The following PAPSS2 variants were observed in gnomAD, a reference collection of about 807,000 sequenced individuals.
The protein encoded by PAPSS2 is bifunctional 3'-phosphoadenosine 5'-phosphosulfate synthase 2.
In PAPSS2, 61 loss-of-function variants were observed where a neutral mutation model predicts 66.5. That is an observed-to-expected ratio of 0.92 (90% CI 0.75 to 1.14). The LOEUF (loss-of-function observed/expected upper bound fraction) is 1.14. Among genes scored for constraint, PAPSS2 ranks in the 50% most tolerant of loss-of-function variants. The pLI is 0.00. For synonymous variants in PAPSS2, 289 were observed against 287.5 expected (o/e 1.01, Z -0.05); for missense variants, 708 against 789.6 (o/e 0.90, Z 1.24).
Position 87,741,260 on chromosome 10 carries a change from T to C in PAPSS2, c.1112T>C (p.Leu371Pro), listed in dbSNP as rs760085210. The C allele has an allele frequency of 3.1e-6, 5 of 1,613,794 alleles. No individual in the cohort carries two copies. The highest frequency in any genetic ancestry group is 4.2e-6 in the Non-Finnish European group (5 of 1,179,670). ...IKMVMESGDW[L>P]VGGDLQVLEK... ...ATGGTGATGGAAAGTGGGGACTGGC[T>C]GGTTGGTGGAGACCTTCAGGTGCTG... is the stretch of plus-strand genomic sequence containing the variant. Residue 371 changes from leucine to proline, a missense_variant, in exon 10 of 13, where the codon CTG (leucine) becomes CCG (proline). Transcript: ENST00000456849.
chr10:87,686,101 A>C (rs1052591628), intron 1 of PAPSS2, among the ~76,000 whole-genome samples: 17 of 150,866 alleles, frequency 1.1e-4, no homozygotes, highest in Non-Finnish European at 2.4e-4. Context: ...CTGAAAAATA[A>C]GAAGTGATTT....
chr10:87,718,278 G>A (rs112424463), intron 7 of PAPSS2, among the ~76,000 whole-genome samples: 7 of 152,128 alleles, frequency 4.6e-5, no homozygotes, highest in East Asian at 1.9e-4. Context: ...TAATCTGCCC[G>A]CCTCAGCCTC....
In PAPSS2 at chr10:87,741,324, TCTGACAC is replaced by T. The variant is rs745474598; in HGVS notation, c.1179_1185del (p.Thr394TrpfsTer10). 1.2e-6 allele frequency: 2 copies of T among 1,613,798 alleles called. No homozygotes were observed. The highest frequency in any genetic ancestry group is 2.7e-5 in the African/African-American group (2 of 74,940). On this transcript the variant is annotated frameshift_variant, in exon 10 of 13. Coordinates refer to ENST00000456849, the MANE Select transcript of PAPSS2 (RefSeq NM_001015880.2). LOFTEE classifies it high-confidence loss of function. ...GGAATGATGGGCTGGACCAATACCGTCTGACACCTCTGGAGCTCAAACAGAAATGTAA... is the reference window on the plus strand; with the variant it reads ...GGAATGATGGGCTGGACCAATACCGTCTCTGGAGCTCAAACAGAAATGTAA...
In PAPSS2 at chr10:87,659,905, T is replaced by TGCTGCCGCC. The variant is rs1044981983; in HGVS notation, c.-75_-74insTGCCGCCGC. On this transcript the variant is annotated 5_prime_UTR_variant, in exon 1 of 13. Coordinates refer to ENST00000456849, the MANE Select transcript of PAPSS2 (RefSeq NM_001015880.2). Reference sequence around the variant, plus strand: ...CCGCTGCTGCTGCTGCTGCTGCTGCTGCCGCCGCCGCCGCCGCCGTCCCTG... The same window carrying TGCTGCCGCC: ...CCGCTGCTGCTGCTGCTGCTGCTGCTGCTGCCGCCGCCGCCGCCGCCGCCGCCGTCCCTG... 4.0e-5 allele frequency: 57 copies of TGCTGCCGCC among 1,423,742 alleles called. No homozygotes were observed. The African/African-American group carries it at 5.6e-4, about 14-fold the overall frequency. 88.2% of individuals were successfully genotyped at this position (1,423,742 alleles called of 1,614,324 possible). A position where few individuals can be genotyped will look rare whatever the true frequency, so the allele number is the denominator to read the frequency against.
intron 1 of PAPSS2, among the ~76,000 whole-genome samples, chr10:87,696,067 C>A (rs1015487686): frequency 6.6e-6 from 1 of 152,166 alleles, no homozygotes; most frequent in African/African-American, 2.4e-5. Context: ...GGTGTGGAAA[C>A]CCCTCTCCTG....
intron 1 of PAPSS2, among the ~76,000 whole-genome samples, chr10:87,707,758 G>A (rs1398269696): frequency 1.3e-5 from 2 of 151,652 alleles, no homozygotes; most frequent in African/African-American, 4.8e-5. Flanking sequence ...TTTTCATAGA[G>A]ATGAGGTCTC....
At chr10:87,685,251 C>G (rs1354077485) in intron 1 of PAPSS2, among the ~76,000 whole-genome samples, 2 of 152,178 alleles carry the variant, frequency 1.3e-5, no homozygotes, top group Non-Finnish European at 2.9e-5. Flanking sequence ...AGGCTCTACT[C>G]TTTTCAAGCA....
intron 1 of PAPSS2, among the ~76,000 whole-genome samples, chr10:87,705,772 C>T (rs576428608): frequency 2.7e-5 from 4 of 150,242 alleles, no homozygotes; most frequent in East Asian, 2.0e-4. Context: ...CTCGCTCTGT[C>T]GCCCAGGCTG....
rs149987183 is a variant in PAPSS2, at chr10:87,691,362, C to T, written c.28-17834C>T. The stretch of plus-strand genomic sequence containing the variant: ...CAAAGATAAACGTGAGCAAAGCAGC[C>T]TCTCTGGTGTTCCCATCTGGTGAAG... On this transcript the variant is annotated intron_variant, in intron 1 of 12. Transcript: ENST00000456849. Among the ~76,000 whole-genome samples, 21 of 152,196 alleles carry T rather than the reference C, an allele frequency of 1.4e-4. No homozygotes were observed. The East Asian group carries it at 4.0e-3, about 29-fold the overall frequency.
chr10:87,701,369 T>C (rs1040660703), intron 1 of PAPSS2, among the ~76,000 whole-genome samples: 19 of 116,802 alleles, frequency 1.6e-4, no homozygotes, highest in Non-Finnish European at 3.1e-4. Flanking sequence ...TCTTTCTTTC[T>C]TTCTTTCTTT....
chr10:87,682,738 A>G (rs958679910), intron 1 of PAPSS2, among the ~76,000 whole-genome samples: 1 of 152,198 alleles, frequency 6.6e-6, no homozygotes, highest in African/African-American at 2.4e-5. Flanking sequence ...GGTGGCCGCA[A>G]TGCTTTCCTT....
At position 87,714,040 on chromosome 10, in the gene PAPSS2, T is replaced by C; in HGVS notation, c.382-4T>C. ...TTTACATTCTTAATCATATTGCTTTTCAGGATCGTGAGAATGCCCGCAAAA... is the reference window on the plus strand; with the variant it reads ...TTTACATTCTTAATCATATTGCTTTCCAGGATCGTGAGAATGCCCGCAAAA... On this transcript the variant is annotated splice_region_variant and splice_polypyrimidine_tract_variant and intron_variant, in intron 3 of 12. Coordinates refer to ENST00000456849, the MANE Select transcript of PAPSS2 (RefSeq NM_001015880.2). The C allele has an allele frequency of 4.3e-6, 7 of 1,613,902 alleles. No homozygotes were observed. Among genetic ancestry groups the C allele is most frequent in the Non-Finnish European group, 5.1e-6 (6 of 1,179,806 alleles).
intron 1 of PAPSS2, among the ~76,000 whole-genome samples, chr10:87,697,298 G>A (rs75541176): frequency 0.025 from 3,854 of 152,200 alleles, 119 homozygotes; most frequent in African/African-American, 0.071. Context: ...CGTCCTGGCC[G>A]ATTGGCAACT....
At chr10:87,718,956 G>C (rs1311501756) in intron 7 of PAPSS2, among the ~76,000 whole-genome samples, 5 of 152,136 alleles carry the variant, frequency 3.3e-5, no homozygotes, top group African/African-American at 1.2e-4. Context: ...TGCAGGACCT[G>C]TGTCTGAAAC....
rs1486161138 is a variant in PAPSS2, at chr10:87,746,433, TAA to T, written c.*466_*467del. 2 of 154,444 alleles carry T rather than the reference TAA, an allele frequency of 1.3e-5. No individual in the cohort carries two copies. The highest frequency in any genetic ancestry group is 2.9e-5 in the Non-Finnish European group (2 of 69,900). 9.6% of individuals were successfully genotyped at this position (154,444 alleles called of 1,614,324 possible). On this transcript the variant is annotated 3_prime_UTR_variant, in exon 13 of 13. Transcript: ENST00000456849. ...AAAAAAAAATTTTTTTTTCTCACTC[TAA>T]AAGAGGTGTGGCTCACATCAAGATT...
chr10:87,704,728 G>A (rs138260826), intron 1 of PAPSS2, among the ~76,000 whole-genome samples: 7,318 of 152,136 alleles, frequency 0.048, 225 homozygotes, highest in South Asian at 0.12. Context: ...TGCAACCTCC[G>A]CTTCCTGGGT....
intron 1 of PAPSS2, among the ~76,000 whole-genome samples, chr10:87,697,693 G>T (rs531594632): frequency 6.6e-6 from 1 of 152,358 alleles, no homozygotes; most frequent in East Asian, 1.9e-4. Flanking sequence ...CCAAGTGAAA[G>T]ATGCAGCCAA....
At chr10:87,677,820 C>T (rs998091643) in intron 1 of PAPSS2, among the ~76,000 whole-genome samples, 2 of 152,200 alleles carry the variant, frequency 1.3e-5, no homozygotes, top group Non-Finnish European at 2.9e-5. Flanking sequence ...TTGAACCACT[C>T]TCTAACTATG....
At chr10:87,744,921 T>C in intron 11 of PAPSS2, 81 bp from the exon 12 acceptor site, 1 of 1,183,504 alleles carries the variant, frequency 8.4e-7, no homozygotes. Context: ...ACTTTTAAAG[T>C]AGAATAAAGG....
Sources: gnomAD v4.1 joint callset for allele counts (sites outside exome capture counted in the v4.1 genomes callset) on GRCh38, gnomAD v4.1.1 for gene constraint, MANE v1.5 for transcripts, NCBI Gene and HGNC (gene_info 2026-07-23, HGNC 2026-07-21) for gene names.